Variants in GRM7 observed in about 807,000 individuals in gnomAD.
GRM7 encodes the protein metabotropic glutamate receptor 7.
A neutral mutation model predicts 84.5 loss-of-function variants in GRM7; 35 were observed. The observed-to-expected ratio is 0.41, with a 90% CI of 0.32 to 0.55. The LOEUF (loss-of-function observed/expected upper bound fraction) is 0.55, where lower values mean the gene tolerates loss of function less well. Ranked by LOEUF, GRM7 falls within the 20% of genes least tolerant of loss-of-function variation. The pLI is 0.19. For missense variants in GRM7, 1,003 were observed against 1,194.6 expected, an observed-to-expected ratio of 0.84 and a Z score of 2.36; for synonymous variants, 487 against 455.1, an observed-to-expected ratio of 1.07 and a Z score of -0.89.
At chr3:7,645,398 T>A (rs144489739) in intron 8 of GRM7, among the ~76,000 whole-genome samples, 2 of 151,424 alleles carry the variant, frequency 1.3e-5, no homozygotes, top group African/African-American at 4.9e-5. Context: ...AATACAAAAA[T>A]TAGCTGGGTG....
rs2124927567 is a variant in GRM7, at chr3:7,473,980, G to A, written c.1515+12258G>A. 1.3e-5 allele frequency among the ~76,000 whole-genome samples: 2 copies of A among 152,254 alleles called. 1 individual carries two copies. The highest frequency in any genetic ancestry group is 4.1e-4 in the South Asian group (2 of 4,824). ...TTAGCTGGGTGATTGCAGGGGATTT[G>A]TTCTGAGGATATGGACCAAGTTAGA... On this transcript the variant is annotated intron_variant, in intron 7 of 9. Transcript: ENST00000357716.
rs535514096 is a variant in GRM7, at chr3:7,172,059, G to A, written c.736+25391G>A. The stretch of plus-strand genomic sequence containing the variant: ...GAAAGGGACTTCCATGCTGGCATTT[G>A]AAATTGTCAGTGTGTTCCATTTCCA... On this transcript the variant is annotated intron_variant, in intron 2 of 9. Transcript: ENST00000357716. Among the ~76,000 whole-genome samples, 4 of 152,324 alleles carry A rather than the reference G, an allele frequency of 2.6e-5. No individual in the cohort carries two copies. In the South Asian group the frequency reaches 8.3e-4, roughly 32 times the overall value.
intron 2 of GRM7, among the ~76,000 whole-genome samples, chr3:7,226,568 T>A (rs180777046): frequency 4.8e-4 from 73 of 152,182 alleles, no homozygotes; most frequent in Non-Finnish European, 9.4e-4. Context: ...CTTTGCCACA[T>A]TCTATTGGTT....
At chr3:7,577,004 T>C (rs1001814285) in intron 7 of GRM7, among the ~76,000 whole-genome samples, 7 of 152,314 alleles carry the variant, frequency 4.6e-5, no homozygotes, top group Admixed American at 4.6e-4. Context: ...TCCCTCTATG[T>C]TGGCTTCTTT....
intron 8 of GRM7, among the ~76,000 whole-genome samples, chr3:7,672,820 CT>C (rs1699975956): frequency 6.6e-6 from 1 of 151,908 alleles, no homozygotes; most frequent in African/African-American, 2.4e-5. Flanking sequence ...TGGTCTCGAT[CT>C]CCTGACCTCA....
At chr3:7,219,419 A>G (rs186078212) in intron 2 of GRM7, among the ~76,000 whole-genome samples, 1 of 152,314 alleles carries the variant, frequency 6.6e-6, no homozygotes, top group East Asian at 1.9e-4. Context: ...TTTCATACAC[A>G]TTACTACAGT....
At chr3:7,677,271 A>AAAC (rs1186432981) in intron 8 of GRM7, among the ~76,000 whole-genome samples, 15 of 129,278 alleles carry the variant, frequency 1.2e-4, no homozygotes, top group Admixed American at 7.4e-4. Flanking sequence ...TTAAAAAAAA[A>AAAC]AAAAAAAAAA....
At position 7,350,968 on chromosome 3, in the gene GRM7, C is replaced by T. The variant is rs116198544; in HGVS notation, c.1033+44316C>T. ...TCTGTAGAAGATCAGAGTAAATCTC[C>T]TTTCATCATTGAAACTTGTTTATTC... On this transcript the variant is annotated intron_variant, in intron 4 of 9. Coordinates refer to ENST00000357716, the MANE Select transcript of GRM7 (RefSeq NM_000844.4). Among the ~76,000 whole-genome samples the T allele has an allele frequency of 7.2e-3, 1,096 of 152,136 alleles. 19 individuals are homozygous for T. The highest frequency in any genetic ancestry group is 0.025 in the African/African-American group (1,045 of 41,524).
intron 2 of GRM7, among the ~76,000 whole-genome samples, chr3:7,222,967 A>C (rs1696860170): frequency 6.6e-6 from 1 of 152,218 alleles, no homozygotes; most frequent in Non-Finnish European, 1.5e-5. Flanking sequence ...TGAGTTTTGA[A>C]ATTATACATT....
chr3:7,027,744 C>A (rs1696031620), intron 1 of GRM7, among the ~76,000 whole-genome samples: 1 of 152,186 alleles, frequency 6.6e-6, no homozygotes, highest in Non-Finnish European at 1.5e-5. Flanking sequence ...GCCTCCCTCA[C>A]CTGAGACTTC....
chr3:6,948,964 G>A (rs901764974), intron 1 of GRM7, among the ~76,000 whole-genome samples: 16 of 152,134 alleles, frequency 1.1e-4, no homozygotes, highest in African/African-American at 3.9e-4. Context: ...CATGTGAGAT[G>A]GGTTTCCTGA....
At chr3:7,407,132 A>G (rs1484263050) in intron 4 of GRM7, among the ~76,000 whole-genome samples, 1 of 152,214 alleles carries the variant, frequency 6.6e-6, no homozygotes, top group Non-Finnish European at 1.5e-5. Context: ...ATTTCTGCAC[A>G]GAACATTTAA....
At chr3:6,935,184 G>A (rs1697643869) in intron 1 of GRM7, among the ~76,000 whole-genome samples, 1 of 152,156 alleles carries the variant, frequency 6.6e-6, no homozygotes, top group Non-Finnish European at 1.5e-5. Context: ...GAAATTGTTA[G>A]GAACAATTAA....
In GRM7 at chr3:7,153,791, A is replaced by G. The variant is rs568672565; in HGVS notation, c.736+7123A>G. Among the ~76,000 whole-genome samples, 11 of 151,580 alleles carry G rather than the reference A, an allele frequency of 7.3e-5. No homozygotes were observed. In the South Asian group the frequency reaches 1.1e-3, roughly 14 times the overall value. On this transcript the variant is annotated intron_variant, in intron 2 of 9. Coordinates refer to ENST00000357716, the MANE Select transcript of GRM7 (RefSeq NM_000844.4). ...CTATTTCAGGGTAATAATGATAAAT[A>G]ATAATTCTAGTAGAAACAACAATAG...
At chr3:7,622,942 G>C (rs1380711949) in intron 8 of GRM7, among the ~76,000 whole-genome samples, 1 of 152,108 alleles carries the variant, frequency 6.6e-6, no homozygotes, top group Non-Finnish European at 1.5e-5. Flanking sequence ...GAAAGTGGGG[G>C]GTTGCAGGCC....
intron 4 of GRM7, among the ~76,000 whole-genome samples, chr3:7,355,579 TTGGCACTC>T (rs2125097068): frequency 6.6e-6 from 1 of 152,176 alleles, no homozygotes; most frequent in Non-Finnish European, 1.5e-5. Flanking sequence ...GAGACAGCTT[TTGGCACTC>T]TACTAAGTCT....
chr3:7,097,193 A>G (rs1268715398), intron 1 of GRM7, among the ~76,000 whole-genome samples: 1 of 152,070 alleles, frequency 6.6e-6, no homozygotes, highest in Non-Finnish European at 1.5e-5. Context: ...CCTCACCCAG[A>G]TGGGGAGCCC....
At chr3:6,874,293 A>G (rs895003294) in intron 1 of GRM7, among the ~76,000 whole-genome samples, 1 of 152,192 alleles carries the variant, frequency 6.6e-6, no homozygotes, top group Non-Finnish European at 1.5e-5. Flanking sequence ...TCCTTTTCTT[A>G]AATTGCACAT....
intron 7 of GRM7, among the ~76,000 whole-genome samples, chr3:7,567,747 C>CAAAAACAAAAA (rs1694381097): frequency 2.2e-5 from 1 of 45,790 alleles, no homozygotes; most frequent in African/African-American, 8.5e-5. Flanking sequence ...GACTCCATCT[C>CAAAAACAAAAA]AAAAAAAAAA....
Sources: gnomAD v4.1 joint callset for allele counts (sites outside exome capture counted in the v4.1 genomes callset) on GRCh38, gnomAD v4.1.1 for gene constraint, MANE v1.5 for transcripts, NCBI Gene and HGNC (gene_info 2026-07-23, HGNC 2026-07-21) for gene names.